Variants in PCED1B observed in about 807,000 individuals in gnomAD.
The protein encoded by PCED1B is PC-esterase domain-containing protein 1B.
For synonymous variants in PCED1B, 251 were observed against 246.1 expected, an observed-to-expected ratio of 1.02 and a Z score of -0.19; for missense variants, 573 against 573.9, an observed-to-expected ratio of 1.00 and a Z score of 0.02.
At chr12:47,211,872 G>C (rs539314952) in intron 2 of PCED1B, among the ~76,000 whole-genome samples, 4 of 151,254 alleles carry the variant, frequency 2.6e-5, no homozygotes, top group African/African-American at 4.9e-5. Context: ...TCAGGAGATC[G>C]AGACCATCCC....
At chr12:47,103,611 G>A (rs1938814874) in intron 1 of PCED1B, among the ~76,000 whole-genome samples, 1 of 49,848 alleles carries the variant, frequency 2.0e-5, no homozygotes, top group Admixed American at 3.6e-4. Flanking sequence ...AATGAAAAAT[G>A]AACCGGTTGT....
chr12:47,154,208 T>C (rs2137468028), intron 2 of PCED1B, among the ~76,000 whole-genome samples: 1 of 152,320 alleles, frequency 6.6e-6, no homozygotes, highest in Middle Eastern at 3.4e-3. Flanking sequence ...ACATGGTAGG[T>C]CCTTGGCAGT....
At chr12:47,161,834 T>C (rs1941389812) in intron 2 of PCED1B, among the ~76,000 whole-genome samples, 1 of 152,188 alleles carries the variant, frequency 6.6e-6, no homozygotes, top group African/African-American at 2.4e-5. Flanking sequence ...TGCGGCACTA[T>C]TCACAATAGC....
At chr12:47,121,358 G>A (rs1917657) in intron 2 of PCED1B, among the ~76,000 whole-genome samples, 33,091 of 152,096 alleles carry the variant, frequency 0.22, 4,651 homozygotes, top group Non-Finnish European at 0.31. Context: ...CCCTGAAGGA[G>A]AGAATCTGCT....
intron 1 of PCED1B, among the ~76,000 whole-genome samples, chr12:47,093,054 T>C (rs1013330846): frequency 6.6e-6 from 1 of 152,034 alleles, no homozygotes; most frequent in Non-Finnish European, 1.5e-5. Context: ...GGAAGAATTA[T>C]ACAAGACAGC....
chr12:47,214,656 G>A (rs1943194541), intron 2 of PCED1B, among the ~76,000 whole-genome samples: 1 of 151,746 alleles, frequency 6.6e-6, no homozygotes, highest in African/African-American at 2.4e-5. Flanking sequence ...CAAAAAAAAA[G>A]AAAAGAAAAG....
At chr12:47,145,112 A>T (rs183232315) in intron 2 of PCED1B, among the ~76,000 whole-genome samples, 1 of 152,330 alleles carries the variant, frequency 6.6e-6, no homozygotes, top group Non-Finnish European at 1.5e-5. Context: ...AGAAAGCAAA[A>T]CAGCCTTATT....
chr12:47,122,418 C>T (rs1220718360), intron 2 of PCED1B, among the ~76,000 whole-genome samples: 1 of 152,198 alleles, frequency 6.6e-6, no homozygotes, highest in Non-Finnish European at 1.5e-5. Flanking sequence ...TTACATTTCA[C>T]ATTGTCTGGA....
intron 3 of PCED1B, among the ~76,000 whole-genome samples, chr12:47,226,243 T>A (rs966646889): frequency 6.6e-6 from 1 of 152,236 alleles, no homozygotes; most frequent in Non-Finnish European, 1.5e-5. Context: ...CAGGTTGCAA[T>A]GATTGTTCAT....
rs752029038 is a variant in PCED1B, at chr12:47,091,601, A to G, written c.-609+11876A>G. ...ATGATTAATGCTTTTTCATTTGCTT[A>G]TTTTCTATTTAACAAAGGATTGCTG... On this transcript the variant is annotated intron_variant, in intron 1 of 3. Coordinates refer to ENST00000546455, the MANE Select transcript of PCED1B (RefSeq NM_138371.3). 3.8e-4 allele frequency among the ~76,000 whole-genome samples: 58 copies of G among 151,842 alleles called. 1 individual carries two copies. The highest frequency in any genetic ancestry group is 3.9e-4 in the Admixed American group (6 of 15,258).
chr12:47,223,112 A>AAG lies in PCED1B; in HGVS notation c.-58+6439_-58+6440dup, dbSNP rs377711497. ...CTGGAAGGGAGGGAGAAATAAGAAA[A>AAG]AGAGAGAGAGAGAGAGAAAGACCAA... On this transcript the variant is annotated intron_variant, in intron 3 of 3. Coordinates refer to ENST00000546455, the MANE Select transcript of PCED1B (RefSeq NM_138371.3). 7.1e-3 allele frequency among the ~76,000 whole-genome samples: 1,078 copies of AAG among 151,610 alleles called. 4 individuals carry two copies. The highest frequency in any genetic ancestry group is 0.01 in the Non-Finnish European group (695 of 67,834).
chr12:47,124,464 A>T (rs1188875124), intron 2 of PCED1B, among the ~76,000 whole-genome samples: 1 of 151,642 alleles, frequency 6.6e-6, no homozygotes, highest in Non-Finnish European at 1.5e-5. Context: ...TATTACAAAT[A>T]AAGTTCCTAT....
chr12:47,194,143 C>G (rs1189710863), intron 2 of PCED1B, among the ~76,000 whole-genome samples: 1 of 152,170 alleles, frequency 6.6e-6, no homozygotes, highest in East Asian at 1.9e-4. Flanking sequence ...TGAAACACAT[C>G]TGTCTCCCCA....
chr12:47,235,878 G>A lies in PCED1B; in HGVS notation c.815G>A (p.Gly272Asp), dbSNP rs1474366751. The A allele has an allele frequency of 6.3e-7, 1 of 1,585,830 alleles. No individual in the cohort carries two copies. The highest frequency in any genetic ancestry group is 1.8e-5 in the Admixed American group (1 of 54,624). The change falls in exon 4 of 4, where the codon GGC becomes GAC. Residue 272 changes from glycine (G) to aspartate (D), a missense_variant. Transcript: ENST00000546455. ...VGEWIKKKKP[G>D]PRVEGPPQAN... ...GAGTGGATCAAGAAGAAAAAACCTGGCCCGAGAGTCGAAGGGCCGCCCCAG... is the reference window on the plus strand; with the variant it reads ...GAGTGGATCAAGAAGAAAAAACCTGACCCGAGAGTCGAAGGGCCGCCCCAG...
intron 2 of PCED1B, among the ~76,000 whole-genome samples, chr12:47,194,534 TA>T (rs2137673394): frequency 6.6e-6 from 1 of 152,334 alleles, no homozygotes; most frequent in East Asian, 1.9e-4. Context: ...CTTTGATAGC[TA>T]CTTATTGCAA....
At chr12:47,131,541 C>A (rs1244881578) in intron 2 of PCED1B, among the ~76,000 whole-genome samples, 1 of 152,070 alleles carries the variant, frequency 6.6e-6, no homozygotes, top group Non-Finnish European at 1.5e-5. Context: ...ACTGTTGACA[C>A]CACAGAGCAC....
chr12:47,197,676 A>G (rs143811479), intron 2 of PCED1B, among the ~76,000 whole-genome samples: 19 of 151,884 alleles, frequency 1.3e-4, no homozygotes, highest in Middle Eastern at 3.4e-3. Context: ...GGGAGAAGAC[A>G]TAAATTACTA....
intron 2 of PCED1B, among the ~76,000 whole-genome samples, chr12:47,205,000 T>G (rs1592280732): frequency 6.6e-6 from 1 of 152,080 alleles, no homozygotes; most frequent in Non-Finnish European, 1.5e-5. Context: ...AGAGCCAGTT[T>G]ATTAAGACAG....
chr12:47,086,639 A>G (rs985625070), intron 1 of PCED1B, among the ~76,000 whole-genome samples: 1 of 152,224 alleles, frequency 6.6e-6, no homozygotes, highest in African/African-American at 2.4e-5. Flanking sequence ...TGTCAAAACT[A>G]TGCATCTAGA....
Sources: allele counts gnomAD v4.1 joint callset (sites outside exome capture counted in the v4.1 genomes callset), GRCh38; gene constraint gnomAD v4.1.1; transcripts MANE v1.5; gene names NCBI Gene and HGNC (gene_info 2026-07-23, HGNC 2026-07-21).